BIRC6: variants seen among roughly 807,000 people sequenced by gnomAD.
The protein encoded by BIRC6 is baculoviral IAP repeat containing 6, also known as dual E2 ubiquitin-conjugating enzyme/E3 ubiquitin-protein ligase BIRC6.
BIRC6 carries 98 observed loss-of-function variants against 503.3 expected under a neutral mutation model. The observed-to-expected ratio is 0.19, with a 90% CI of 0.17 to 0.23. The LOEUF (loss-of-function observed/expected upper bound fraction) is 0.23. Among genes scored for constraint, BIRC6 ranks in the 10% least tolerant of loss-of-function variants. The pLI, the probability that BIRC6 is intolerant of heterozygous loss-of-function variation, is 1.00. For missense variants in BIRC6, 5,360 were observed against 5,806.0 expected, an observed-to-expected ratio of 0.92 and a Z score of 2.50; for synonymous variants, 2,240 against 2,078.7, an observed-to-expected ratio of 1.08 and a Z score of -2.11.
At chr2:32,494,644 G>C (rs2052208727) in intron 45 of BIRC6, among the ~76,000 whole-genome samples, 1 of 151,880 alleles carries the variant, frequency 6.6e-6, no homozygotes, top group Admixed American at 6.6e-5. Flanking sequence ...GCTCACGCCT[G>C]TAATCCCGGC....
At chr2:32,388,699 T>A in intron 3 of BIRC6, 51 bp from the exon 4 acceptor site, 1 of 1,330,904 alleles carries the variant, frequency 7.5e-7, no homozygotes, top group South Asian at 1.8e-5. Flanking sequence ...ATGATTTTGG[T>A]TAAAACTGTT....
In BIRC6 at chr2:32,509,732, T is replaced by C; in HGVS notation, c.9981-6T>C. 6.2e-7 allele frequency: 1 copy of C among 1,613,682 alleles called. No homozygotes were observed. The highest frequency in any genetic ancestry group is 8.5e-7 in the Non-Finnish European group (1 of 1,179,794). ...ATTGATCATACAAGTCATTTTGTAT[T>C]TTCAGTATTGGATGGTTACGGTTAT... On this transcript the variant is annotated splice_polypyrimidine_tract_variant and splice_region_variant and intron_variant, in intron 51 of 73. Transcript: ENST00000421745.
At chr2:32,446,701 T>C (rs913851439) in intron 21 of BIRC6, among the ~76,000 whole-genome samples, 2 of 150,282 alleles carry the variant, frequency 1.3e-5, no homozygotes, top group Non-Finnish European at 3.0e-5. Flanking sequence ...TCACTGAATT[T>C]GATGGGTCAA....
chr2:32,599,968 G>A, intron 70 of BIRC6, 68 bp downstream of exon 70: 1 of 1,490,240 alleles, frequency 6.7e-7, no homozygotes, highest in East Asian at 2.4e-5. Context: ...GTAATTTGAA[G>A]AAAAATTTTG....
chr2:32,436,046 T>A lies in BIRC6; in HGVS notation c.3500-7T>A. 1.5e-6 allele frequency: 2 copies of A among 1,372,578 alleles called. No homozygotes were observed. The highest frequency in any genetic ancestry group is 1.9e-6 in the Non-Finnish European group (2 of 1,042,220). The allele number at this position is 1,372,578 out of a possible 1,614,324, so 85.0% of individuals were successfully genotyped here. A position where few individuals can be genotyped will look rare whatever the true frequency, so the allele number is the denominator to read the frequency against. Reference sequence around the variant, plus strand: ...TTTAAAAGAAAAATATGTATTTTTCTTTTTAGGTCTTAGATTATGTCCATT... The same window carrying A: ...TTTAAAAGAAAAATATGTATTTTTCATTTTAGGTCTTAGATTATGTCCATT... On this transcript the variant is annotated splice_polypyrimidine_tract_variant and splice_region_variant and intron_variant, in intron 14 of 73. Transcript: ENST00000421745.
chr2:32,419,949 A>C (rs1413444394), intron 10 of BIRC6, among the ~76,000 whole-genome samples: 3 of 152,212 alleles, frequency 2.0e-5, no homozygotes, highest in Non-Finnish European at 2.9e-5. Context: ...ACTTGTTTAC[A>C]TCCATGGAGA....
rs1193267203 is a variant in BIRC6, at chr2:32,502,760, A to G, written c.9208-35A>G. ...GAGTTTAGTTCTTATTCACAGGAAT[A>G]TATAAAGTCATAATATGCATATTTC... On this transcript the variant is annotated intron_variant, in intron 47 of 73. Transcript: ENST00000421745. The G allele has an allele frequency of 4.0e-6, 6 of 1,490,866 alleles. No individual in the cohort carries two copies. The Admixed American group carries it at 5.6e-5, about 14-fold the overall frequency. 92.4% of individuals were successfully genotyped at this position (1,490,866 alleles called of 1,614,324 possible).
At position 32,515,582 on chromosome 2, in the gene BIRC6, C is replaced by T; in HGVS notation, c.11161C>T (p.His3721Tyr). 1 of 1,613,894 alleles carries T rather than the reference C, an allele frequency of 6.2e-7. No homozygotes were observed. The highest frequency in any genetic ancestry group is 8.5e-7 in the Non-Finnish European group (1 of 1,179,894). The change falls in exon 55 of 74, where the codon CAC becomes TAC. Residue 3721 changes from histidine to tyrosine, a missense_variant. Physicochemically the swap from His to Tyr is moderately conservative, Grantham distance 83. Transcript: ENST00000421745. ...LWTALLFLLC[H>Y]SGSTSGSHNL... ...GACAGCACTTCTGTTTTTATTGTGTCACTCTGGGTCCACTTCTGGAAGCCA... is the reference window on the plus strand; with the variant it reads ...GACAGCACTTCTGTTTTTATTGTGTTACTCTGGGTCCACTTCTGGAAGCCA...
intron 60 of BIRC6, among the ~76,000 whole-genome samples, chr2:32,531,120 A>G (rs2056714366): frequency 2.0e-5 from 3 of 152,194 alleles, no homozygotes; most frequent in Admixed American, 2.0e-4. Flanking sequence ...AGGTGATGCC[A>G]ATACTACTAG....
intron 21 of BIRC6, 122 bp from the exon 22 acceptor site, chr2:32,448,673 G>A: frequency 2.7e-6 from 2 of 731,808 alleles, no homozygotes; most frequent in Middle Eastern, 4.0e-4. Flanking sequence ...GAGGGGAGAG[G>A]GGAGAGGGGA....
chr2:32,391,970 A>G, intron 4 of BIRC6, 69 bp from the exon 5 acceptor site: 1 of 1,031,586 alleles, frequency 9.7e-7, no homozygotes, highest in South Asian at 1.7e-5. Context: ...TATTTTTTGC[A>G]TTGTTAAATA....
rs575825407 is a variant in BIRC6 at position 32,357,658 on chromosome 2, C to T, written c.325+172C>T. On this transcript the variant is annotated intron_variant, in intron 1 of 73. Coordinates refer to ENST00000421745, the MANE Select transcript of BIRC6 (RefSeq NM_016252.4). This position sits in a 1 kb window ranked among gnomAD's most constrained non-coding sequence, Gnocchi z 4.9. ...GATGGAGGGGGACCTTAGGACTTGGCTTTTTCAGCGGCTGCAGTTGGGAGG... is the reference window on the plus strand; with the variant it reads ...GATGGAGGGGGACCTTAGGACTTGGTTTTTTCAGCGGCTGCAGTTGGGAGG... Among the ~76,000 whole-genome samples the T allele has an allele frequency of 1.6e-4, 24 of 152,202 alleles. No individual in the cohort carries two copies. In the South Asian group the frequency reaches 5.0e-3, roughly 32 times the overall value.
At position 32,430,962 on chromosome 2, in the gene BIRC6, G is replaced by T. The variant is rs565141766; in HGVS notation, c.3120G>T (p.Ala1040=). 5 of 1,613,220 alleles carry T rather than the reference G, an allele frequency of 3.1e-6. No individual in the cohort carries two copies. The highest frequency in any genetic ancestry group is 1.1e-5 in the South Asian group (1 of 91,058). Residue 1040 remains alanine (A), a synonymous_variant, in exon 12 of 74, where the codon GCG becomes GCT. Transcript: ENST00000421745. The part of the protein sequence containing the change: ...RFETLTPRFS[A]TVPPCWVEVQ... The stretch of plus-strand genomic sequence containing the variant: ...AGACTTTGACTCCAAGGTTTTCAGC[G>T]ACTGTTCCTCCATGCTGGGTAGAAG...
chr2:32,468,415 G>A (rs767734116), intron 28 of BIRC6, 22 bp from the exon 29 acceptor site: 1 of 1,513,456 alleles, frequency 6.6e-7, no homozygotes, highest in Non-Finnish European at 8.9e-7. Context: ...GAATTATTTT[G>A]TTCAATCTTT....
chr2:32,390,237 C>A (rs938859508), intron 4 of BIRC6, among the ~76,000 whole-genome samples: 1 of 152,042 alleles, frequency 6.6e-6, no homozygotes, highest in Non-Finnish European at 1.5e-5. Context: ...GTGGCATGAT[C>A]TTGGCTCACT....
chr2:32,562,734 C>T (rs189021484), intron 65 of BIRC6, among the ~76,000 whole-genome samples: 1 of 152,258 alleles, frequency 6.6e-6, no homozygotes, highest in East Asian at 1.9e-4. Flanking sequence ...TAATAATATA[C>T]ATTTAAGTTT....
chr2:32,393,017 T>A (rs1306463280), intron 5 of BIRC6, among the ~76,000 whole-genome samples: 1 of 152,086 alleles, frequency 6.6e-6, no homozygotes, highest in Non-Finnish European at 1.5e-5. Context: ...TGATGCATGT[T>A]TATTTCCAGT....
intron 1 of BIRC6, among the ~76,000 whole-genome samples, chr2:32,370,022 G>A (rs1411437436): frequency 8.5e-6 from 1 of 117,246 alleles, no homozygotes; most frequent in African/African-American, 3.3e-5. Flanking sequence ...ATGCATATAT[G>A]TATGTATATA....
chr2:32,501,167 T>C (rs1349544047), intron 46 of BIRC6, among the ~76,000 whole-genome samples: 2 of 152,222 alleles, frequency 1.3e-5, no homozygotes, highest in East Asian at 1.9e-4. Flanking sequence ...TTGTATACTG[T>C]GGCAAAATCC....
Sources: allele counts gnomAD v4.1 joint callset (sites outside exome capture counted in the v4.1 genomes callset), GRCh38; gene constraint gnomAD v4.1.1; non-coding constraint Gnocchi (gnomAD v3.1); transcripts MANE v1.5; gene names NCBI Gene and HGNC (gene_info 2026-07-23, HGNC 2026-07-21).